ATXN1: variants seen among roughly 807,000 people sequenced by gnomAD.
ATXN1 encodes the protein ataxin-1.
A neutral mutation model predicts 56.4 loss-of-function variants in ATXN1; 8 were observed. That is an observed-to-expected ratio of 0.14 (90% CI 0.08 to 0.26). The LOEUF (loss-of-function observed/expected upper bound fraction) is 0.26, where lower values mean the gene tolerates loss of function less well. Among genes scored for constraint, ATXN1 ranks in the 10% least tolerant of loss-of-function variants. The pLI, the probability that ATXN1 is intolerant of heterozygous loss-of-function variation, is 1.00. For synonymous variants in ATXN1, 514 were observed against 494.6 expected (o/e 1.04, Z -0.52); for missense variants, 987 against 1,106.5 (o/e 0.89, Z 1.53).
intron 6 of ATXN1, among the ~76,000 whole-genome samples, chr6:16,461,584 G>C (rs190889039): frequency 9.8e-5 from 15 of 152,326 alleles, no homozygotes; most frequent in African/African-American, 2.6e-4. Context: ...TTCAATACTT[G>C]TTGGTCTGTG....
intron 2 of ATXN1, among the ~76,000 whole-genome samples, chr6:16,708,846 C>G (rs941475732): frequency 6.6e-6 from 1 of 151,786 alleles, no homozygotes; most frequent in Non-Finnish European, 1.5e-5. Flanking sequence ...GCCAACGTGG[C>G]GAAACCCTGT....
intron 2 of ATXN1, among the ~76,000 whole-genome samples, chr6:16,672,218 G>A (rs1425602046): frequency 1.3e-5 from 2 of 152,058 alleles, no homozygotes; most frequent in African/African-American, 4.8e-5. Flanking sequence ...CTCCCTTACT[G>A]AAATGTGTCT....
chr6:16,565,241 T>C (rs534929142), intron 4 of ATXN1, among the ~76,000 whole-genome samples: 1 of 152,058 alleles, frequency 6.6e-6, no homozygotes, highest in African/African-American at 2.4e-5. Context: ...GTACTGTGAG[T>C]TTTTTCTGCT....
intron 6 of ATXN1, among the ~76,000 whole-genome samples, chr6:16,450,551 G>A (rs1212206953): frequency 2.0e-5 from 3 of 152,170 alleles, no homozygotes; most frequent in Admixed American, 6.5e-5. Context: ...AAGCCAGCAC[G>A]TTTATTATTA....
At chr6:16,368,649 C>A (rs1032632316) in intron 6 of ATXN1, among the ~76,000 whole-genome samples, 2 of 152,116 alleles carry the variant, frequency 1.3e-5, no homozygotes, top group African/African-American at 4.8e-5. Flanking sequence ...GGTCTTCCAA[C>A]TGGCACATCT....
chr6:16,645,481 C>T (rs1763784885), intron 3 of ATXN1, among the ~76,000 whole-genome samples: 1 of 152,146 alleles, frequency 6.6e-6, no homozygotes, highest in South Asian at 2.1e-4. Context: ...GGACTTAAAC[C>T]AGTGGAAGAA....
intron 6 of ATXN1, among the ~76,000 whole-genome samples, chr6:16,358,253 G>C (rs929759871): frequency 6.6e-6 from 1 of 152,200 alleles, no homozygotes; most frequent in Non-Finnish European, 1.5e-5. Context: ...ACAGTGTGGA[G>C]ATTCCTTAAA....
intron 6 of ATXN1, among the ~76,000 whole-genome samples, chr6:16,450,939 A>T (rs1759739867): frequency 6.6e-6 from 1 of 152,212 alleles, no homozygotes; most frequent in Admixed American, 6.5e-5. Flanking sequence ...AAAGGACAAC[A>T]GGGGCGGCGG....
chr6:16,490,008 G>T lies in ATXN1; in HGVS notation c.-298-3899C>A, dbSNP rs569664112. 1.5e-4 allele frequency among the ~76,000 whole-genome samples: 23 copies of T among 151,882 alleles called. 1 individual carries two copies. In the South Asian group the frequency reaches 3.5e-3, roughly 23 times the overall value. On this transcript the variant is annotated intron_variant, in intron 5 of 7. Coordinates refer to ENST00000436367, the MANE Select transcript of ATXN1 (RefSeq NM_001128164.2). ...AGACTTTGAGAACCACTTCTCTAAG[G>T]TTAAATGTTTCTGTCAATTACAGGG...
At chr6:16,546,441 C>A (rs1282086788) in intron 4 of ATXN1, among the ~76,000 whole-genome samples, 4 of 152,158 alleles carry the variant, frequency 2.6e-5, no homozygotes, top group East Asian at 1.9e-4. Flanking sequence ...CTCCTTCAAG[C>A]CCCACCCCCA....
chr6:16,454,864 A>G (rs1453720931), intron 6 of ATXN1, among the ~76,000 whole-genome samples: 3 of 152,262 alleles, frequency 2.0e-5, no homozygotes, highest in East Asian at 1.9e-4. Context: ...CAGATTCAGA[A>G]AAAGAACTAA....
intron 6 of ATXN1, among the ~76,000 whole-genome samples, chr6:16,455,840 G>C (rs1249101076): frequency 6.6e-6 from 1 of 152,170 alleles, no homozygotes; most frequent in African/African-American, 2.4e-5. Flanking sequence ...TGTCTTATAA[G>C]AGGTTTGTAA....
intron 6 of ATXN1, among the ~76,000 whole-genome samples, chr6:16,403,124 C>T (rs1561882830): frequency 6.6e-6 from 1 of 152,092 alleles, no homozygotes; most frequent in Non-Finnish European, 1.5e-5. Flanking sequence ...CACACATGCA[C>T]ACACATGTAC....
chr6:16,731,454 CT>C (rs71559655), intron 2 of ATXN1, among the ~76,000 whole-genome samples: 10,425 of 79,968 alleles, frequency 0.13, 448 homozygotes, highest in Non-Finnish European at 0.16. Flanking sequence ...TTTTTCTTTT[CT>C]TTTTTTTTTT....
intron 6 of ATXN1, among the ~76,000 whole-genome samples, chr6:16,428,939 G>T (rs926049209): frequency 6.6e-6 from 1 of 152,122 alleles, no homozygotes; most frequent in African/African-American, 2.4e-5. Context: ...TGACGGGCTG[G>T]GTCAGATGGA....
chr6:16,467,895 C>T (rs1427177983), intron 6 of ATXN1, among the ~76,000 whole-genome samples: 1 of 152,160 alleles, frequency 6.6e-6, no homozygotes, highest in African/African-American at 2.4e-5. Context: ...CTGAAGATTC[C>T]ATTTAGTACT....
rs375735385 is a variant in ATXN1, at chr6:16,426,777, C to T, written c.-161+59195G>A. ...TGTTTTTTCCTTTCTTGTTTCCCTC[C>T]CCCTCTATCCAGCATCCCCTTGCTG... On this transcript the variant is annotated intron_variant, in intron 6 of 7. Coordinates refer to ENST00000436367, the MANE Select transcript of ATXN1 (RefSeq NM_001128164.2). Among the ~76,000 whole-genome samples the T allele has an allele frequency of 1.5e-4, 23 of 151,916 alleles. No homozygotes were observed. The East Asian group carries it at 1.5e-3, about 10-fold the overall frequency.
intron 4 of ATXN1, among the ~76,000 whole-genome samples, chr6:16,574,186 C>T (rs181548103): frequency 1.1e-4 from 16 of 152,150 alleles, no homozygotes; most frequent in African/African-American, 3.6e-4. Flanking sequence ...ACCACCATGC[C>T]TAGCTAATTT....
At chr6:16,390,942 T>C (rs1351808062) in intron 6 of ATXN1, among the ~76,000 whole-genome samples, 1 of 151,994 alleles carries the variant, frequency 6.6e-6, no homozygotes, top group African/African-American at 2.4e-5. Context: ...AGGTGAACCA[T>C]CTGAGGTTGG....
Sources: gnomAD v4.1 joint callset for allele counts (sites outside exome capture counted in the v4.1 genomes callset) on GRCh38, gnomAD v4.1.1 for gene constraint, MANE v1.5 for transcripts, NCBI Gene and HGNC (gene_info 2026-07-23, HGNC 2026-07-21) for gene names.